The following HECW1 variants were observed in gnomAD, a reference collection of about 807,000 sequenced individuals.
HECW1 encodes the protein HECT, C2 and WW domain containing E3 ubiquitin protein ligase 1.
In HECW1, 61 loss-of-function variants were observed where a neutral mutation model predicts 182.3. The observed-to-expected ratio is 0.33, with a 90% CI of 0.27 to 0.41. HECW1 has a LOEUF of 0.41. Ranked by LOEUF, HECW1 falls within the 10% of genes least tolerant of loss-of-function variation. The pLI, the probability that HECW1 is intolerant of heterozygous loss-of-function variation, is 1.00. For missense variants in HECW1, 1,739 were observed against 2,108.9 expected (o/e 0.82, Z 3.44); for synonymous variants, 859 against 832.6 (o/e 1.03, Z -0.55).
At chr7:43,468,267 A>G (rs908684159) in intron 15 of HECW1, among the ~76,000 whole-genome samples, 2 of 152,144 alleles carry the variant, frequency 1.3e-5, no homozygotes, top group African/African-American at 4.8e-5. Context: ...CCCTAAATTA[A>G]TGCTCCCCAT....
chr7:43,368,589 G>A (rs145797032), intron 6 of HECW1, among the ~76,000 whole-genome samples: 99 of 152,242 alleles, frequency 6.5e-4, no homozygotes, highest in Non-Finnish European at 9.6e-4. Flanking sequence ...AATTTACCCA[G>A]GCCCTACTCA....
chr7:43,445,232 G>A lies in HECW1; in HGVS notation c.2060G>A (p.Cys687Tyr), dbSNP rs574765072. Residue 687 changes from cysteine (C) to tyrosine (Y), a missense_variant, in exon 11 of 30, where the codon TGC (cysteine) becomes TAC (tyrosine). Coordinates refer to ENST00000395891, the MANE Select transcript of HECW1 (RefSeq NM_015052.5). ...CCSPSCYSSS[C>Y]YSTSCYSSSC... is the part of the protein sequence containing the mutation. ...AGCCCCTCGTGCTACAGCTCCTCGT[G>A]CTACAGCACGTCCTGCTACAGCAGC... 2 of 1,613,218 alleles carry A rather than the reference G, an allele frequency of 1.2e-6. No individual in the cohort carries two copies. The highest frequency in any genetic ancestry group is 1.3e-5 in the African/African-American group (1 of 75,042).
intron 5 of HECW1, among the ~76,000 whole-genome samples, chr7:43,349,025 TTTTTG>T (rs939650369): frequency 8.9e-5 from 13 of 145,438 alleles, no homozygotes; most frequent in African/African-American, 3.5e-4. Context: ...TTCGTTTTTG[TTTTTG>T]TTTTGTTTTG....
chr7:43,374,699 G>A lies in HECW1; in HGVS notation c.555+13719G>A, dbSNP rs779862200. Among the ~76,000 whole-genome samples the A allele has an allele frequency of 1.3e-4, 7 of 54,414 alleles. 2 individuals are homozygous for A. The highest frequency in any genetic ancestry group is 5.0e-4 in the African/African-American group (3 of 5,974). 35.7% of individuals were successfully genotyped at this position (54,414 alleles called of 152,430 possible). On this transcript the variant is annotated intron_variant, in intron 6 of 29. Transcript: ENST00000395891. ...TGAGGCAGGAGAATGGCTTGAACCCGGGAGGCGGAGCTTGCAGTGAGCCGA... is the reference window on the plus strand; with the variant it reads ...TGAGGCAGGAGAATGGCTTGAACCCAGGAGGCGGAGCTTGCAGTGAGCCGA...
intron 25 of HECW1, among the ~76,000 whole-genome samples, chr7:43,541,480 A>G (rs986506209): frequency 2.0e-5 from 3 of 152,254 alleles, no homozygotes; most frequent in Admixed American, 6.5e-5. Flanking sequence ...GGAAGATTCT[A>G]TTATCAAAAT....
chr7:43,208,832 G>A (rs1385915428), intron 2 of HECW1, among the ~76,000 whole-genome samples: 1 of 152,124 alleles, frequency 6.6e-6, no homozygotes, highest in Non-Finnish European at 1.5e-5. Flanking sequence ...TTCCAGCATG[G>A]AACCGGAGGT....
rs1315265043 is a variant in HECW1 at position 43,114,391 on chromosome 7, G to A, written c.-32G>A. 2.2e-6 allele frequency: 3 copies of A among 1,344,578 alleles called. No individual in the cohort carries two copies. The highest frequency in any genetic ancestry group is 1.2e-5 in the South Asian group (1 of 81,396). The allele number at this position is 1,344,578 out of a possible 1,614,324, so 83.3% of individuals were successfully genotyped here. Reference sequence around the variant, plus strand: ...GACTCACTCCGGCTGTGGCTATTACGGTAATTCATTCTAGATTGGGGATTC... The same window carrying A: ...GACTCACTCCGGCTGTGGCTATTACAGTAATTCATTCTAGATTGGGGATTC... On this transcript the variant is annotated splice_region_variant and 5_prime_UTR_variant, in exon 2 of 30. Transcript: ENST00000395891.
chr7:43,481,371 A>T (rs1386033437), intron 17 of HECW1, among the ~76,000 whole-genome samples: 1 of 152,258 alleles, frequency 6.6e-6, no homozygotes, highest in Non-Finnish European at 1.5e-5. Flanking sequence ...CAGTATCCAC[A>T]TAGGGTAACT....
chr7:43,423,656 T>C (rs1276789574), intron 8 of HECW1, among the ~76,000 whole-genome samples: 1 of 152,130 alleles, frequency 6.6e-6, no homozygotes, highest in Non-Finnish European at 1.5e-5. Context: ...GCTTGGCACA[T>C]CCATCCATGG....
chr7:43,217,605 A>G (rs1403383041), intron 2 of HECW1, among the ~76,000 whole-genome samples: 1 of 152,216 alleles, frequency 6.6e-6, no homozygotes, highest in Non-Finnish European at 1.5e-5. Flanking sequence ...AAATGACCGT[A>G]AAAGGGGGAA....
chr7:43,360,643 G>A lies in HECW1; in HGVS notation c.461-243G>A, dbSNP rs529274305. 3.3e-5 allele frequency among the ~76,000 whole-genome samples: 5 copies of A among 152,322 alleles called. No homozygotes were observed. The South Asian group carries it at 8.3e-4, about 25-fold the overall frequency. On this transcript the variant is annotated intron_variant, in intron 5 of 29. Coordinates refer to ENST00000395891, the MANE Select transcript of HECW1 (RefSeq NM_015052.5). ...TCTAATGGGGTAGGATGGATGCTGAGAAGTCTAAATAATGGACTTAACTTG... is the reference window on the plus strand; with the variant it reads ...TCTAATGGGGTAGGATGGATGCTGAAAAGTCTAAATAATGGACTTAACTTG...
chr7:43,238,565 G>A (rs2152715213), intron 2 of HECW1, among the ~76,000 whole-genome samples: 1 of 152,310 alleles, frequency 6.6e-6, no homozygotes, highest in East Asian at 1.9e-4. Context: ...GTGTCAAATG[G>A]GAAGTTAGGG....
intron 2 of HECW1, among the ~76,000 whole-genome samples, chr7:43,146,604 C>G (rs1376685324): frequency 2.0e-5 from 3 of 152,212 alleles, no homozygotes; most frequent in Non-Finnish European, 2.9e-5. Context: ...TGTAACAATT[C>G]TGAACCACTG....
intron 5 of HECW1, among the ~76,000 whole-genome samples, chr7:43,353,116 G>A (rs751170601): frequency 1.7e-4 from 26 of 152,042 alleles, no homozygotes; most frequent in African/African-American, 4.6e-4. Flanking sequence ...GCTCTACTTC[G>A]TGAAGGACAT....
chr7:43,339,184 A>T (rs1812654278), intron 5 of HECW1, among the ~76,000 whole-genome samples: 1 of 152,208 alleles, frequency 6.6e-6, no homozygotes, highest in African/African-American at 2.4e-5. Context: ...AAGCTTAATG[A>T]GAAGCTATTA....
At chr7:43,228,328 CAAAA>C (rs549457929) in intron 2 of HECW1, among the ~76,000 whole-genome samples, 5 of 131,574 alleles carry the variant, frequency 3.8e-5, no homozygotes, top group African/African-American at 1.4e-4. Flanking sequence ...TCTACAAAAT[CAAAA>C]AAAAAAAAGC....
chr7:43,132,833 G>A (rs1787107014), intron 2 of HECW1, among the ~76,000 whole-genome samples: 1 of 152,012 alleles, frequency 6.6e-6, no homozygotes, highest in African/African-American at 2.4e-5. Context: ...AGTTGGAGGT[G>A]GGAGGTGCTT....
At chr7:43,503,496 T>A (rs552759992) in intron 21 of HECW1, among the ~76,000 whole-genome samples, 1 of 152,226 alleles carries the variant, frequency 6.6e-6, no homozygotes, top group Non-Finnish European at 1.5e-5. Context: ...AAATGAAGAG[T>A]TATTTCCTAT....
chr7:43,133,909 G>A (rs894002904), intron 2 of HECW1, among the ~76,000 whole-genome samples: 5 of 152,040 alleles, frequency 3.3e-5, no homozygotes, highest in Admixed American at 2.6e-4. Flanking sequence ...ATAATTTTAA[G>A]TCATTCTTTT....
Sources: allele counts gnomAD v4.1 joint callset (sites outside exome capture counted in the v4.1 genomes callset), GRCh38; gene constraint gnomAD v4.1.1; transcripts MANE v1.5; gene names NCBI Gene and HGNC (gene_info 2026-07-23, HGNC 2026-07-21).